Variants in HS6ST2 observed in about 807,000 individuals in gnomAD.
HS6ST2 encodes heparan sulfate 6-O-sulfotransferase 2, also known as heparan-sulfate 6-O-sulfotransferase 2.
A neutral mutation model predicts 33.0 loss-of-function variants in HS6ST2; 17 were observed. The ratio of observed to expected loss-of-function variants is 0.52; its 90% CI spans 0.35 to 0.77. The LOEUF (loss-of-function observed/expected upper bound fraction) is 0.77. Ranked by LOEUF, HS6ST2 falls within the 30% of genes least tolerant of loss-of-function variation. The probability of loss-of-function intolerance (pLI) is 0.01; values close to 1 mark genes in which losing one functional copy is unlikely to be tolerated. For synonymous variants in HS6ST2, 248 were observed against 237.1 expected (o/e 1.05, Z -0.42); for missense variants, 519 against 551.7 (o/e 0.94, Z 0.59).
At position 132,748,625 on chromosome X, in the gene HS6ST2, C is replaced by T. The variant is rs530555932; in HGVS notation, c.948-40131G>A. 7.2e-5 allele frequency among the ~76,000 whole-genome samples: 8 copies of T among 111,170 alleles called. No individual in the cohort carries two copies. The East Asian group carries it at 2.0e-3, about 28-fold the overall frequency. On this transcript the variant is annotated intron_variant, in intron 2 of 4. Coordinates refer to ENST00000370833, the MANE Select transcript of HS6ST2 (RefSeq NM_001394073.1). ...ACAGCCAGATGCTCTTTTTTTGAGA[C>T]GGGGTCTCACTCTGTCACCCAGGCT...
At chrX:132,665,542 GC>G (rs2063802878) in intron 4 of HS6ST2, among the ~76,000 whole-genome samples, 1 of 111,753 alleles carries the variant, frequency 8.9e-6, no homozygotes, top group African/African-American at 3.3e-5. Context: ...CACATGCCCA[GC>G]TTTGACAGTT....
At chrX:132,937,233 T>C (rs940472730) in intron 2 of HS6ST2, among the ~76,000 whole-genome samples, 7 of 112,183 alleles carry the variant, frequency 6.2e-5, no homozygotes, top group Admixed American at 2.8e-4. Context: ...TGCTCATAGA[T>C]TGAAAGAATT....
At chrX:132,829,483 G>A (rs530122414) in intron 2 of HS6ST2, among the ~76,000 whole-genome samples, 1,244 of 108,514 alleles carry the variant, frequency 0.011, 8 homozygotes, top group South Asian at 0.053. Context: ...AATTCCCCAA[G>A]CCTATGCACT....
chrX:132,800,919 T>C (rs2065228626), intron 2 of HS6ST2, among the ~76,000 whole-genome samples: 1 of 111,820 alleles, frequency 8.9e-6, no homozygotes. Context: ...CTCCTTCACT[T>C]TCTTCTCTCA....
chrX:132,699,464 G>A (rs992497681), intron 3 of HS6ST2, among the ~76,000 whole-genome samples: 10 of 112,010 alleles, frequency 8.9e-5, no homozygotes, highest in African/African-American at 3.2e-4. Flanking sequence ...CATGATCACT[G>A]AGTATTAAAT....
At chrX:132,930,501 C>G (rs1207221054) in intron 2 of HS6ST2, among the ~76,000 whole-genome samples, 1 of 111,213 alleles carries the variant, frequency 9.0e-6, no homozygotes, top group African/African-American at 3.3e-5. Context: ...GCCTGACACT[C>G]TCCTCCCCTG....
intron 2 of HS6ST2, among the ~76,000 whole-genome samples, chrX:132,949,546 T>C (rs1327494998): frequency 9.1e-6 from 1 of 109,699 alleles, no homozygotes; most frequent in Admixed American, 9.8e-5. Context: ...AGGGTGAGGG[T>C]TTATTAGGGC....
At chrX:132,828,331 G>A (rs768105553) in intron 2 of HS6ST2, among the ~76,000 whole-genome samples, 3 of 110,587 alleles carry the variant, frequency 2.7e-5, no homozygotes, top group Non-Finnish European at 5.7e-5. Flanking sequence ...AAAAGGTAGT[G>A]GATAAGCTGC....
intron 2 of HS6ST2, among the ~76,000 whole-genome samples, chrX:132,787,264 T>C (rs1275080244): frequency 1.1e-5 from 1 of 91,283 alleles, no homozygotes; most frequent in Non-Finnish European, 2.1e-5. Flanking sequence ...TATGTATATA[T>C]TTATAATATA....
chrX:132,936,101 CA>C lies in HS6ST2; in HGVS notation c.947+20706del, dbSNP rs200773054. Among the ~76,000 whole-genome samples the C allele has an allele frequency of 7.1e-3, 777 of 109,133 alleles. 3 individuals are homozygous for C. The highest frequency in any genetic ancestry group is 0.025 in the African/African-American group (753 of 30,115). 94.8% of individuals were successfully genotyped at this position (109,133 alleles called of 115,157 possible). On this transcript the variant is annotated intron_variant, in intron 2 of 4. Coordinates refer to ENST00000370833, the MANE Select transcript of HS6ST2 (RefSeq NM_001394073.1). ...ATTGATAAACAGAACTTATACTGAA[CA>C]AAAAGAGAAAAGACTCAATTATTAA... is the stretch of plus-strand genomic sequence containing the variant.
intron 2 of HS6ST2, among the ~76,000 whole-genome samples, chrX:132,856,540 C>T (rs989173731): frequency 2.7e-5 from 3 of 111,575 alleles, no homozygotes. Context: ...ATCTTTTCTT[C>T]AGATTCCTTA....
At chrX:132,818,978 T>C (rs980556886) in intron 2 of HS6ST2, among the ~76,000 whole-genome samples, 2 of 111,882 alleles carry the variant, frequency 1.8e-5, no homozygotes, top group African/African-American at 6.5e-5. Flanking sequence ...TGGGTTTTTA[T>C]TTAAGATGTA....
chrX:132,825,245 G>A (rs1030349686), intron 2 of HS6ST2, among the ~76,000 whole-genome samples: 5 of 111,615 alleles, frequency 4.5e-5, no homozygotes, highest in Non-Finnish European at 9.4e-5. Flanking sequence ...TGGGGTATAC[G>A]AGGAGAGAGA....
At chrX:132,735,636 T>C (rs1376575527) in intron 2 of HS6ST2, among the ~76,000 whole-genome samples, 1 of 111,166 alleles carries the variant, frequency 9.0e-6, no homozygotes, top group African/African-American at 3.3e-5. Context: ...TCTCAAGGCT[T>C]TCTCCAGTTC....
chrX:132,867,458 T>C (rs1432084581), intron 2 of HS6ST2, among the ~76,000 whole-genome samples: 2 of 111,111 alleles, frequency 1.8e-5, no homozygotes, highest in Non-Finnish European at 1.9e-5. Context: ...CGTTGTGTCT[T>C]TGCCCGGCTT....
At chrX:132,791,331 A>G (rs2065118322) in intron 2 of HS6ST2, among the ~76,000 whole-genome samples, 1 of 111,982 alleles carries the variant, frequency 8.9e-6, no homozygotes, top group Non-Finnish European at 1.9e-5. Context: ...ACCAACATTC[A>G]AAATACTTGA....
At position 132,827,773 on chromosome X, in the gene HS6ST2, A is replaced by G. The variant is rs186773554; in HGVS notation, c.948-119279T>C. 1.6e-3 allele frequency among the ~76,000 whole-genome samples: 176 copies of G among 110,386 alleles called. 1 individual carries two copies. Among genetic ancestry groups the G allele is most frequent in the Non-Finnish European group, 2.7e-3 (140 of 52,768 alleles). On this transcript the variant is annotated intron_variant, in intron 2 of 4. Coordinates refer to ENST00000370833, the MANE Select transcript of HS6ST2 (RefSeq NM_001394073.1). ...TTGGGACACTGAATTTACACCTACA[A>G]CCACTGCTGAGCCGTAAGTTCTTGC...
chrX:132,781,996 C>A (rs918925208), intron 2 of HS6ST2, among the ~76,000 whole-genome samples: 1 of 111,829 alleles, frequency 8.9e-6, no homozygotes, highest in Non-Finnish European at 1.9e-5. Flanking sequence ...CCTGTGGTTT[C>A]AAATGTGTTC....
At chrX:132,703,151 A>G (rs1483210482) in intron 3 of HS6ST2, among the ~76,000 whole-genome samples, 1 of 112,435 alleles carries the variant, frequency 8.9e-6, no homozygotes, top group East Asian at 2.8e-4. Flanking sequence ...AGAAGCTAGC[A>G]TAGTGGAACA....
Sources: allele counts gnomAD v4.1 joint callset (sites outside exome capture counted in the v4.1 genomes callset), GRCh38; gene constraint gnomAD v4.1.1; transcripts MANE v1.5; gene names NCBI Gene and HGNC (gene_info 2026-07-23, HGNC 2026-07-21).